Variants in PIWIL2 observed in about 807,000 individuals in gnomAD.
PIWIL2 encodes the protein piwi like RNA-mediated gene silencing 2, also known as piwi-like protein 2.
PIWIL2 carries 81 observed loss-of-function variants against 116.5 expected under a neutral mutation model. The observed-to-expected ratio is 0.70, with a 90% confidence interval of 0.58 to 0.84. The LOEUF is 0.84. PIWIL2 is among the 40% of genes least tolerant of loss of function. The pLI, the probability that PIWIL2 is intolerant of heterozygous loss-of-function variation, is 0.00. For synonymous variants in PIWIL2, 489 were observed against 429.5 expected, an observed-to-expected ratio of 1.14 and a Z score of -1.71; for missense variants, 1,272 against 1,212.3, an observed-to-expected ratio of 1.05 and a Z score of -0.73.
chr8:22,300,447 A>G (rs893281073), intron 10 of PIWIL2, among the ~76,000 whole-genome samples: 2 of 152,200 alleles, frequency 1.3e-5, no homozygotes, highest in Admixed American at 1.3e-4. Flanking sequence ...TGGCTGTTAC[A>G]AATAAAGTTG....
chr8:22,287,515 CATT>C lies in PIWIL2; in HGVS notation c.744-9_744-7del. 1 of 1,553,986 alleles carries C rather than the reference CATT, an allele frequency of 6.4e-7. No individual in the cohort carries two copies. The highest frequency in any genetic ancestry group is 1.7e-4 in the Middle Eastern group (1 of 5,966). Reference sequence around the variant, plus strand: ...AGTCAAGTTAAAGGAAAATCCTCTTCATTATTTTCCAGCCCCAATGTGGAGTGC... The same window carrying C: ...AGTCAAGTTAAAGGAAAATCCTCTTCATTTTCCAGCCCCAATGTGGAGTGC... On this transcript the variant is annotated splice_polypyrimidine_tract_variant and intron_variant, in intron 6 of 22. Transcript: ENST00000356766.
chr8:22,318,235 T>C lies in PIWIL2; in HGVS notation c.2363T>C (p.Leu788Pro). 1 of 1,612,968 alleles carries C rather than the reference T, an allele frequency of 6.2e-7. No homozygotes were observed. Among genetic ancestry groups the C allele is most frequent in the Non-Finnish European group, 8.5e-7 (1 of 1,178,922 alleles). Residue 788 changes from leucine (L) to proline (P), a missense_variant, in exon 20 of 23, where the codon CTG becomes CCG. Physicochemically the swap from Leu to Pro is moderately conservative, Grantham distance 98. Coordinates refer to ENST00000356766, the MANE Select transcript of PIWIL2 (RefSeq NM_018068.5). ...CCGCATCAGGAGATTGTGGACAGCC[T>C]GAAGCTATGCCTCGTGGGCTCCTTA... Reference protein sequence around the residue: ...QMPHQEIVDSLKLCLVGSLKK... With the variant: ...QMPHQEIVDSPKLCLVGSLKK...
chr8:22,278,825 T>C (rs1830435704), intron 1 of PIWIL2, among the ~76,000 whole-genome samples: 2 of 152,276 alleles, frequency 1.3e-5, no homozygotes, highest in South Asian at 4.1e-4. Context: ...GTGCAAACCC[T>C]CTTGTGAACT....
chr8:22,322,549 G>A (rs1029668819), intron 20 of PIWIL2, among the ~76,000 whole-genome samples: 3 of 152,138 alleles, frequency 2.0e-5, no homozygotes, highest in Non-Finnish European at 2.9e-5. Flanking sequence ...TTATAGCTGT[G>A]AGCCACTGAG....
At chr8:22,294,644 CAAAAA>C (rs897494985) in intron 10 of PIWIL2, among the ~76,000 whole-genome samples, 5 of 29,890 alleles carry the variant, frequency 1.7e-4, no homozygotes, top group Admixed American at 4.1e-4. Flanking sequence ...GACTCTGTCT[CAAAAA>C]AAAAAAAAAA....
Position 22,308,020 on chromosome 8 carries a change from G to A in PIWIL2, c.1633G>A (p.Ala545Thr). Residue 545 changes from alanine (A) to threonine (T), a missense_variant, in exon 14 of 23, where the codon GCC (alanine) becomes ACC (threonine). Physicochemically the swap from Ala to Thr is moderately conservative, Grantham distance 58 (BLOSUM62 0). Coordinates refer to ENST00000356766, the MANE Select transcript of PIWIL2 (RefSeq NM_018068.5). ...GCAAAGAATTGCAAAGAACGAGGCA[G>A]CCACCAATGAACTGATGCGTTGGGG... Reference protein sequence around the residue: ...LLQRIAKNEAATNELMRWGLR... With the variant: ...LLQRIAKNEATTNELMRWGLR... 1 of 1,613,988 alleles carries A rather than the reference G, an allele frequency of 6.2e-7. No homozygotes were observed. The highest frequency in any genetic ancestry group is 8.5e-7 in the Non-Finnish European group (1 of 1,179,972).
chr8:22,294,899 GGAAAAAAAAAAAA>G (rs1302537905), intron 10 of PIWIL2, among the ~76,000 whole-genome samples: 1,516 of 79,400 alleles, frequency 0.019, 76 homozygotes, highest in African/African-American at 0.1. Context: ...CATCTTTACT[GGAAAAAAAAAAAA>G]AAAAAAAAAA....
rs1387717421 is a variant in PIWIL2, at chr8:22,290,694, C to G, written c.1181+348C>G. ...CTATGTTTCCTGGCTTCAAGGGATC[C>G]TCCTACCTCAGCCTCTCAAGGTGTT... On this transcript the variant is annotated intron_variant, in intron 10 of 22. Coordinates refer to ENST00000356766, the MANE Select transcript of PIWIL2 (RefSeq NM_018068.5). 4.7e-5 allele frequency among the ~76,000 whole-genome samples: 7 copies of G among 148,382 alleles called. No individual in the cohort carries two copies. The East Asian group carries it at 1.4e-3, about 30-fold the overall frequency.
intron 19 of PIWIL2, among the ~76,000 whole-genome samples, chr8:22,317,784 C>G (rs1044538458): frequency 2.0e-5 from 3 of 152,006 alleles, no homozygotes; most frequent in African/African-American, 7.2e-5. Context: ...CTCAGCCTCC[C>G]GAGTAGCTGG....
At chr8:22,334,367 C>G (rs1219619166) in intron 20 of PIWIL2, among the ~76,000 whole-genome samples, 2 of 151,406 alleles carry the variant, frequency 1.3e-5, no homozygotes, top group South Asian at 4.2e-4. Flanking sequence ...ACTAAAAATA[C>G]AAAAATTAGC....
At position 22,304,112 on chromosome 8, in the gene PIWIL2, C is replaced by A. The variant is rs368245312; in HGVS notation, c.1273C>A (p.Arg425Ser). ...GNIVITRYNN[R>S]TYRIDDVDWN... ...TATTGTTATCACCCGATATAACAAT[C>A]GTACCTATCGTATTGATGATGTGGA... The change falls in exon 11 of 23, where the codon CGT (arginine) becomes AGT (serine). Residue 425 changes from arginine to serine, a missense_variant. Transcript: ENST00000356766. 2 of 1,609,182 alleles carry A rather than the reference C, an allele frequency of 1.2e-6. No individual in the cohort carries two copies. Among genetic ancestry groups the A allele is most frequent in the Non-Finnish European group, 1.7e-6 (2 of 1,175,492 alleles).
Position 22,283,166 on chromosome 8 carries a change from A to G in PIWIL2, c.558A>G (p.Ser186=). 1.2e-6 allele frequency: 2 copies of G among 1,614,054 alleles called. No individual in the cohort carries two copies. The highest frequency in any genetic ancestry group is 2.2e-5 in the South Asian group (2 of 91,072). The change falls in exon 5 of 23, where the codon TCA becomes TCG. Residue 186 remains serine, a synonymous_variant. Coordinates refer to ENST00000356766, the MANE Select transcript of PIWIL2 (RefSeq NM_018068.5). ...TPSRGPPQLS[S]PPALPQSPLH... ...CCCGGGGTCCCCCGCAGCTGTCATC[A>G]CCACCAGCTCTGCCCCAGTCTCCCC...
chr8:22,295,185 C>G (rs1830868543), intron 10 of PIWIL2, among the ~76,000 whole-genome samples: 1 of 152,076 alleles, frequency 6.6e-6, no homozygotes, highest in East Asian at 1.9e-4. Context: ...TTCTTCGAGA[C>G]AAGGTCTCAT....
chr8:22,286,709 T>TC (rs1423415781), intron 6 of PIWIL2, among the ~76,000 whole-genome samples: 28 of 152,184 alleles, frequency 1.8e-4, no homozygotes, highest in African/African-American at 6.3e-4. Context: ...GCTACCTCCA[T>TC]CTCCCAGGCT....
intron 6 of PIWIL2, 49 bp downstream of exon 6, chr8:22,284,321 AAAAAT>A: frequency 1.1e-6 from 1 of 934,840 alleles, no homozygotes. Context: ...GGGCAGTAAA[AAAAAT>A]AGTTCCCCTG....
intron 10 of PIWIL2, among the ~76,000 whole-genome samples, chr8:22,295,729 G>A (rs541591896): frequency 1.3e-5 from 2 of 152,176 alleles, no homozygotes; most frequent in East Asian, 1.9e-4. Flanking sequence ...CCACAGAAGA[G>A]CATTTATTTT....
chr8:22,329,053 G>T (rs1338070140), intron 20 of PIWIL2, among the ~76,000 whole-genome samples: 1 of 152,000 alleles, frequency 6.6e-6, no homozygotes, highest in African/African-American at 2.4e-5. Flanking sequence ...TGATAGTAGA[G>T]GCAAAGGTTT....
At chr8:22,303,378 G>A (rs905316205) in intron 10 of PIWIL2, among the ~76,000 whole-genome samples, 2 of 152,128 alleles carry the variant, frequency 1.3e-5, no homozygotes, top group African/African-American at 2.4e-5. Flanking sequence ...TTCAAAGTAC[G>A]AAATTTTAAA....
chr8:22,298,192 G>A (rs1419221810), intron 10 of PIWIL2, among the ~76,000 whole-genome samples: 2 of 151,946 alleles, frequency 1.3e-5, no homozygotes, highest in African/African-American at 2.4e-5. Context: ...GAATGTCAAG[G>A]CTGCAGTGAG....
Sources: allele counts gnomAD v4.1 joint callset (sites outside exome capture counted in the v4.1 genomes callset), GRCh38; gene constraint gnomAD v4.1.1; transcripts MANE v1.5; gene names NCBI Gene and HGNC (gene_info 2026-07-23, HGNC 2026-07-21).